Variants in RFWD3 observed in about 807,000 individuals in gnomAD.
RFWD3 encodes the protein E3 ubiquitin-protein ligase RFWD3.
RFWD3 carries 65 observed loss-of-function variants against 87.7 expected under a neutral mutation model. That is an observed-to-expected ratio of 0.74 (90% CI 0.61 to 0.91). The LOEUF is 0.91. Ranked by LOEUF, RFWD3 falls within the 40% of genes least tolerant of loss-of-function variation. The pLI, the probability that RFWD3 is intolerant of heterozygous loss-of-function variation, is 0.00. For missense variants in RFWD3, 1,078 were observed against 938.5 expected, an observed-to-expected ratio of 1.15 and a Z score of -1.94; for synonymous variants, 433 against 352.8, an observed-to-expected ratio of 1.23 and a Z score of -2.55.
chr16:74,645,839 G>A (rs1053507880), intron 4 of RFWD3, among the ~76,000 whole-genome samples: 3 of 131,788 alleles, frequency 2.3e-5, no homozygotes, highest in Non-Finnish European at 3.1e-5. Context: ...TGCAAGTTCC[G>A]CCTCCTGGGT....
chr16:74,643,385 G>A (rs1049633889), intron 6 of RFWD3, among the ~76,000 whole-genome samples: 12 of 152,062 alleles, frequency 7.9e-5, no homozygotes, highest in South Asian at 2.1e-4. Flanking sequence ...ATACACCACC[G>A]TTCATTCAAC....
At chr16:74,664,021 G>C (rs1443434405) in intron 1 of RFWD3, among the ~76,000 whole-genome samples, 1 of 152,168 alleles carries the variant, frequency 6.6e-6, no homozygotes. Flanking sequence ...CTGGAGGTTT[G>C]AACCACACAG....
intron 9 of RFWD3, 143 bp downstream of exon 9, chr16:74,632,380 A>T (rs1959126344): frequency 2.2e-6 from 2 of 899,016 alleles, no homozygotes; most frequent in Admixed American, 4.8e-5. Context: ...TGACAGAGCG[A>T]GACTCCATCT....
intron 4 of RFWD3, among the ~76,000 whole-genome samples, chr16:74,645,954 T>TA (rs1960105644): frequency 6.6e-6 from 1 of 151,160 alleles, no homozygotes; most frequent in African/African-American, 2.4e-5. Flanking sequence ...TTCACCGTGT[T>TA]AGTTAGGATG....
chr16:74,637,373 T>C (rs915082456), intron 7 of RFWD3, among the ~76,000 whole-genome samples: 2 of 152,146 alleles, frequency 1.3e-5, no homozygotes, highest in East Asian at 3.9e-4. Context: ...ACGCCTGTAA[T>C]CCCAGCACTT....
intron 11 of RFWD3, among the ~76,000 whole-genome samples, chr16:74,627,108 G>T (rs2086407473): frequency 6.6e-6 from 1 of 152,198 alleles, no homozygotes; most frequent in Admixed American, 6.5e-5. Context: ...GCTGTGGGAT[G>T]ATGAAGAGCC....
intron 1 of RFWD3, chr16:74,664,825 G>T (rs1005448248): frequency 6.6e-6 from 1 of 152,154 alleles, no homozygotes; most frequent in Non-Finnish European, 1.5e-5. Flanking sequence ...AACACACATA[G>T]GGCGGGTGAC....
chr16:74,641,164 AT>A (rs943537106), intron 6 of RFWD3, among the ~76,000 whole-genome samples: 317 of 145,418 alleles, frequency 2.2e-3, no homozygotes, highest in Non-Finnish European at 2.3e-3. Context: ...CAAACAGATA[AT>A]TTTTTTTTTT....
At chr16:74,652,819 T>C (rs538696475) in intron 2 of RFWD3, among the ~76,000 whole-genome samples, 1 of 152,272 alleles carries the variant, frequency 6.6e-6, no homozygotes, top group South Asian at 2.1e-4. Flanking sequence ...GCTGAGGAGT[T>C]TGAGGCCACT....
chr16:74,637,779 A>G (rs1959268922), intron 7 of RFWD3, 77 bp downstream of exon 7: 2 of 1,037,372 alleles, frequency 1.9e-6, no homozygotes, highest in African/African-American at 1.6e-5. Context: ...TTTGTTTCTG[A>G]GATGAACATA....
chr16:74,638,178 A>G (rs898542098), intron 6 of RFWD3, among the ~76,000 whole-genome samples: 1 of 152,212 alleles, frequency 6.6e-6, no homozygotes, highest in African/African-American at 2.4e-5. Flanking sequence ...GACTATTACT[A>G]GAAAATGGGG....
chr16:74,636,411 G>A lies in RFWD3; in HGVS notation c.1361C>T (p.Ala454Val), dbSNP rs1360507895. 2 of 1,614,226 alleles carry A rather than the reference G, an allele frequency of 1.2e-6. No individual in the cohort carries two copies. The highest frequency in any genetic ancestry group is 1.7e-6 in the Non-Finnish European group (2 of 1,180,042). Residue 454 changes from alanine (A) to valine (V), a missense_variant, in exon 8 of 13, where the codon GCA (alanine) becomes GTA (valine). Physicochemically the swap from Ala to Val is moderately conservative, Grantham distance 64. Transcript: ENST00000361070. Reference protein sequence around the residue: ...VSQAGNCRIMAYCDALSCLVI... With the variant: ...VSQAGNCRIMVYCDALSCLVI... ...CAGGCAGCTCAGAGCATCACAGTAT[G>A]CCATGATCCGGCAGTTTCCTGCCTG...
intron 1 of RFWD3, chr16:74,664,872 T>C (rs1234837112): frequency 6.6e-6 from 1 of 152,226 alleles, no homozygotes; most frequent in African/African-American, 2.4e-5. Flanking sequence ...AACACTTTTC[T>C]CGTCGCACAA....
intron 1 of RFWD3, 57 bp from the exon 2 acceptor site, chr16:74,661,508 G>C (rs1403269212): frequency 3.7e-6 from 5 of 1,365,704 alleles, no homozygotes; most frequent in Middle Eastern, 2.3e-4. Flanking sequence ...ATGCTATGTA[G>C]GTGACAGAAT....
intron 6 of RFWD3, among the ~76,000 whole-genome samples, chr16:74,638,476 G>C (rs1202278382): frequency 6.6e-6 from 1 of 152,044 alleles, no homozygotes; most frequent in African/African-American, 2.4e-5. Flanking sequence ...ATCATAAAAG[G>C]ACACATTCAC....
chr16:74,654,247 C>A (rs1960793807), intron 2 of RFWD3, among the ~76,000 whole-genome samples: 1 of 152,016 alleles, frequency 6.6e-6, no homozygotes, highest in Non-Finnish European at 1.5e-5. Flanking sequence ...TTTTGTTGAT[C>A]TTTTAGAAGA....
chr16:74,645,430 A>G (rs1960045666), intron 4 of RFWD3, among the ~76,000 whole-genome samples: 1 of 152,260 alleles, frequency 6.6e-6, no homozygotes. Flanking sequence ...TCATTGAATG[A>G]TCCCAGAGGT....
chr16:74,666,101 G>A (rs907644524), intron 1 of RFWD3, among the ~76,000 whole-genome samples: 2 of 152,084 alleles, frequency 1.3e-5, no homozygotes, highest in Non-Finnish European at 2.9e-5. Context: ...GAGGGGAAGG[G>A]AGAGAGGGAA....
At chr16:74,626,613 G>A in intron 11 of RFWD3, 59 bp from the exon 12 acceptor site, 2 of 1,411,916 alleles carry the variant, frequency 1.4e-6, no homozygotes, top group Admixed American at 1.8e-5. Context: ...AATTAACCAA[G>A]TACCCAAACC....
Sources: allele counts gnomAD v4.1 joint callset (sites outside exome capture counted in the v4.1 genomes callset), GRCh38; gene constraint gnomAD v4.1.1; transcripts MANE v1.5; gene names NCBI Gene and HGNC (gene_info 2026-07-23, HGNC 2026-07-21).